The following KIAA1549L variants were observed in gnomAD, a reference collection of about 807,000 sequenced individuals.
KIAA1549L encodes KIAA1549 like.
In KIAA1549L, 88 loss-of-function variants were observed where a neutral mutation model predicts 160.7. That is an observed-to-expected ratio of 0.55 (90% CI 0.46 to 0.65). KIAA1549L has a LOEUF of 0.65. Ranked by LOEUF, KIAA1549L falls within the 30% of genes least tolerant of loss-of-function variation. KIAA1549L has a pLI of 0.00. For missense variants in KIAA1549L, 2,258 were observed against 2,437.5 expected (o/e 0.93, Z 1.55); for synonymous variants, 950 against 976.7 (o/e 0.97, Z 0.51).
intron 17 of KIAA1549L, among the ~76,000 whole-genome samples, chr11:33,650,519 C>T (rs1227217286): frequency 1.3e-5 from 2 of 152,146 alleles, no homozygotes; most frequent in Non-Finnish European, 2.9e-5. Context: ...GCTGCAGTAT[C>T]TGGTCCCTGT....
At chr11:33,511,284 A>C (rs1853221715) in intron 1 of KIAA1549L, among the ~76,000 whole-genome samples, 1 of 152,092 alleles carries the variant, frequency 6.6e-6, no homozygotes, top group African/African-American at 2.4e-5. Context: ...CCTCCTAATC[A>C]ATTCCTTAAG....
chr11:33,388,583 GGT>G (rs1445905574), intron 1 of KIAA1549L, among the ~76,000 whole-genome samples: 2 of 152,000 alleles, frequency 1.3e-5, no homozygotes, highest in Non-Finnish European at 2.9e-5. Flanking sequence ...AGATATAAAA[GGT>G]ATAATATTCA....
intron 1 of KIAA1549L, among the ~76,000 whole-genome samples, chr11:33,439,901 C>A (rs1034582462): frequency 6.6e-6 from 1 of 152,058 alleles, no homozygotes; most frequent in African/African-American, 2.4e-5. Flanking sequence ...AAAGGACAAA[C>A]ATCATATAGC....
chr11:33,488,840 G>C (rs932057796), intron 1 of KIAA1549L, among the ~76,000 whole-genome samples: 6 of 152,206 alleles, frequency 3.9e-5, no homozygotes, highest in African/African-American at 1.4e-4. Context: ...AGATGGCTCA[G>C]AGAGTGTAAA....
At chr11:33,553,501 T>A (rs1409900366) in intron 6 of KIAA1549L, among the ~76,000 whole-genome samples, 1 of 152,190 alleles carries the variant, frequency 6.6e-6, no homozygotes, top group Non-Finnish European at 1.5e-5. Flanking sequence ...GCAAAGCCAA[T>A]ATGATGTAGA....
intron 13 of KIAA1549L, among the ~76,000 whole-genome samples, chr11:33,601,745 A>G (rs1192615951): frequency 1.3e-5 from 2 of 152,202 alleles, no homozygotes; most frequent in African/African-American, 4.8e-5. Flanking sequence ...GGTTTGTTAC[A>G]TCTGTAGCTT....
chr11:33,438,135 A>C (rs2132938395), intron 1 of KIAA1549L, among the ~76,000 whole-genome samples: 1 of 152,258 alleles, frequency 6.6e-6, no homozygotes, highest in African/African-American at 2.4e-5. Flanking sequence ...TTTTAGAAGG[A>C]GCTATACTAC....
chr11:33,457,522 G>A (rs1032581171), intron 1 of KIAA1549L, among the ~76,000 whole-genome samples: 9 of 152,172 alleles, frequency 5.9e-5, no homozygotes, highest in African/African-American at 2.2e-4. Flanking sequence ...TCCTAGGTGA[G>A]GAACCCAGGG....
intron 1 of KIAA1549L, among the ~76,000 whole-genome samples, chr11:33,412,420 C>G (rs528862555): frequency 2.3e-4 from 35 of 152,338 alleles, no homozygotes; most frequent in Admixed American, 1.2e-3. Flanking sequence ...CTAAATCTTG[C>G]TAATAGAGGC....
At chr11:33,492,887 T>C (rs1165500335) in intron 1 of KIAA1549L, among the ~76,000 whole-genome samples, 1 of 152,170 alleles carries the variant, frequency 6.6e-6, no homozygotes, top group Non-Finnish European at 1.5e-5. Context: ...TTGTTAACAT[T>C]AGTATTCGCA....
chr11:33,464,020 T>C (rs1225223363), intron 1 of KIAA1549L, among the ~76,000 whole-genome samples: 1 of 152,176 alleles, frequency 6.6e-6, no homozygotes, highest in Non-Finnish European at 1.5e-5. Flanking sequence ...GCCAGACCCT[T>C]AATTGATAGC....
intron 2 of KIAA1549L, among the ~76,000 whole-genome samples, 190 bp downstream of exon 2, chr11:33,544,526 C>T (rs903444291): frequency 3.9e-5 from 6 of 152,154 alleles, no homozygotes; most frequent in East Asian, 3.8e-4. Flanking sequence ...CCTGAGCTTT[C>T]GAAACTATTC....
At chr11:33,445,731 A>G (rs1456668166) in intron 1 of KIAA1549L, among the ~76,000 whole-genome samples, 1 of 152,162 alleles carries the variant, frequency 6.6e-6, no homozygotes, top group Non-Finnish European at 1.5e-5. Context: ...CAGCGTGGGG[A>G]CAGTAGTGCC....
At chr11:33,551,315 C>A in intron 5 of KIAA1549L, 56 bp downstream of exon 5, 1 of 1,430,278 alleles carries the variant, frequency 7.0e-7, no homozygotes, top group Non-Finnish European at 9.7e-7. Flanking sequence ...GGGCCAGTAC[C>A]AAGTGGACAC....
chr11:33,602,105 A>C (rs1043816267), intron 13 of KIAA1549L, among the ~76,000 whole-genome samples: 3 of 152,232 alleles, frequency 2.0e-5, no homozygotes, highest in Admixed American at 6.5e-5. Context: ...GGAAGCAAAC[A>C]ACCACCTGCC....
chr11:33,428,535 G>A (rs543858452), intron 1 of KIAA1549L, among the ~76,000 whole-genome samples: 1 of 151,910 alleles, frequency 6.6e-6, no homozygotes, highest in South Asian at 2.1e-4. Context: ...CCACCTATGA[G>A]TGAGAACATG....
chr11:33,624,932 C>T (rs1851059642), intron 16 of KIAA1549L, among the ~76,000 whole-genome samples: 1 of 135,300 alleles, frequency 7.4e-6, no homozygotes, highest in Admixed American at 8.0e-5. Context: ...CAACAGTCCC[C>T]AGAGTGTGAT....
In KIAA1549L at chr11:33,420,139, T is replaced by C. The variant is rs143630492; in HGVS notation, c.238+43250T>C. Among the ~76,000 whole-genome samples, 24 of 152,236 alleles carry C rather than the reference T, an allele frequency of 1.6e-4. No homozygotes were observed. The East Asian group carries it at 3.5e-3, about 22-fold the overall frequency. ...CCCTAGTGATTAACTCATCATTTTA[T>C]GATCTTGTGCACAGAAGGAGCATTG... On this transcript the variant is annotated intron_variant, in intron 1 of 20. Transcript: ENST00000658780.
intron 1 of KIAA1549L, among the ~76,000 whole-genome samples, chr11:33,491,594 A>G (rs1334148348): frequency 1.3e-5 from 2 of 152,240 alleles, no homozygotes; most frequent in African/African-American, 4.8e-5. Context: ...TTGAAGCCCA[A>G]GCTAAAAAAA....
Sources: gnomAD v4.1 joint callset for allele counts (sites outside exome capture counted in the v4.1 genomes callset) on GRCh38, gnomAD v4.1.1 for gene constraint, MANE v1.5 for transcripts, NCBI Gene and HGNC (gene_info 2026-07-23, HGNC 2026-07-21) for gene names.